MYH16: variants seen among roughly 807,000 people sequenced by gnomAD.
The protein encoded by MYH16 is putative uncharacterized protein MYH16.
At chr7:99,285,079 C>T (rs1792259973) in intron 26 of MYH16, 144 bp downstream of exon 8, 2 of 401,966 alleles carry the variant, frequency 5.0e-6, no homozygotes, top group Middle Eastern at 8.1e-4. Context: ...ATGTTCCCCT[C>T]ACTAGGGGTG....
intron 11 of MYH16, among the ~76,000 whole-genome samples, chr7:99,259,003 G>A (rs1020192523): frequency 6.6e-6 from 1 of 152,140 alleles, no homozygotes; most frequent in African/African-American, 2.4e-5. Flanking sequence ...CATGGTGGCA[G>A]GAGAAAGAGA....
At chr7:99,309,784 T>C (rs910700120), downstream of MYH16, among the ~76,000 whole-genome samples, 6 of 152,266 alleles carry the variant, frequency 3.9e-5, no homozygotes, top group Admixed American at 3.3e-4. Flanking sequence ...ATCAGGCTGC[T>C]ATCCTGCCAC....
At chr7:99,262,848 A>G (rs1791950545) in intron 13 of MYH16, among the ~76,000 whole-genome samples, 1 of 152,154 alleles carries the variant, frequency 6.6e-6, no homozygotes, top group African/African-American at 2.4e-5. Flanking sequence ...TAGCAAGGAG[A>G]GACCCTACAG....
intron 20 of MYH16, among the ~76,000 whole-genome samples, chr7:99,274,135 TC>T (rs887941980): frequency 3.3e-5 from 5 of 152,246 alleles, no homozygotes; most frequent in African/African-American, 1.2e-4. Flanking sequence ...ACCTCTCATT[TC>T]CTGTTCTTCC....
chr7:99,273,007 C>A (rs967633140), intron 19 of MYH16, among the ~76,000 whole-genome samples: 10 of 152,134 alleles, frequency 6.6e-5, no homozygotes, highest in African/African-American at 2.4e-4. Context: ...AGCAACTTTG[C>A]AGATCCATGG....
chr7:99,270,592 C>T (rs375329346), intron 18 of MYH16, among the ~76,000 whole-genome samples: 46 of 150,930 alleles, frequency 3.0e-4, no homozygotes, highest in African/African-American at 1.1e-3. Flanking sequence ...GCTGGGATTA[C>T]AGGCATGAGC....
chr7:99,257,714 A>G (rs1204711112), intron 10 of MYH16, among the ~76,000 whole-genome samples: 1 of 152,180 alleles, frequency 6.6e-6, no homozygotes, highest in Non-Finnish European at 1.5e-5. Context: ...TCATGCAATC[A>G]TGGCTCACTG....
intron 9 of MYH16, among the ~76,000 whole-genome samples, chr7:99,256,968 C>T (rs1001869352): frequency 7.2e-5 from 11 of 152,138 alleles, no homozygotes; most frequent in African/African-American, 2.7e-4. Context: ...AATAAAATAA[C>T]AATACTAATA....
chr7:99,260,133 C>T (rs187239474), intron 11 of MYH16: 547 of 1,558,916 alleles, frequency 3.5e-4, no homozygotes, highest in Middle Eastern at 1.4e-3. Flanking sequence ...CCTGTGCTGA[C>T]GCCCCTCTTT....
chr7:99,243,796 TC>T (rs1791696769), intron 2 of MYH16, among the ~76,000 whole-genome samples: 3 of 150,754 alleles, frequency 2.0e-5, no homozygotes, highest in African/African-American at 7.4e-5. Context: ...CATTCATTCA[TC>T]CATCCATCCA....
At chr7:99,247,723 G>T (rs1449270996) in exon 3 of MYH16, 2 of 195,652 alleles carry the variant, frequency 1.0e-5, no homozygotes, top group South Asian at 1.1e-4. Context: ...CTCCATCTCT[G>T]ACAACGCCTA....
At chr7:99,295,177 G>A (rs1393940933) in intron 33 of MYH16, among the ~76,000 whole-genome samples, 2 of 151,992 alleles carry the variant, frequency 1.3e-5, no homozygotes, top group East Asian at 1.9e-4. Context: ...TCAGGAGTTC[G>A]ACACCAGCCT....
At chr7:99,290,575 A>C (rs984884692) in intron 30 of MYH16, among the ~76,000 whole-genome samples, 7 of 150,806 alleles carry the variant, frequency 4.6e-5, no homozygotes, top group African/African-American at 1.7e-4. Flanking sequence ...CGAGGTGGGC[A>C]GATCACTTGA....
chr7:99,241,982 T>A (rs1238492880), intron 1 of MYH16, among the ~76,000 whole-genome samples: 1 of 151,882 alleles, frequency 6.6e-6, no homozygotes, highest in Non-Finnish European at 1.5e-5. Flanking sequence ...TGCCTCAGCC[T>A]CCCAAGTAGC....
chr7:99,266,959 A>T (rs1791993821), exon 18 of MYH16: 1 of 152,564 alleles, frequency 6.6e-6, no homozygotes, highest in Non-Finnish European at 1.5e-5. Context: ...ATGAATACAA[A>T]ATTGGACACA....
chr7:99,246,570 C>T lies in MYH16; in HGVS notation n.355-1024C>T, dbSNP rs533868494. 6.6e-5 allele frequency among the ~76,000 whole-genome samples: 10 copies of T among 152,172 alleles called. No homozygotes were observed. In the East Asian group the frequency reaches 1.2e-3, roughly 18 times the overall value. On this transcript the variant is annotated intron_variant and non_coding_transcript_variant, in intron 2 of 41. Coordinates refer to ENST00000439784, the Ensembl canonical transcript of MYH16. ...TACAAAAATTAGCCGGGCGTGGTGGCGTGCACCTGTAGTCTCAGCTACTCA... is the reference window on the plus strand; with the variant it reads ...TACAAAAATTAGCCGGGCGTGGTGGTGTGCACCTGTAGTCTCAGCTACTCA...
chr7:99,299,927 TTTTATTTATTTATTTATTTA>T (rs61663432), intron 37 of MYH16, among the ~76,000 whole-genome samples: 28 of 138,232 alleles, frequency 2.0e-4, no homozygotes, highest in East Asian at 1.0e-3. Context: ...TTTTATTTTA[TTTTATTTATTTATTTATTTA>T]TTTATTTATT....
At chr7:99,256,427 C>T (rs1023360948) in intron 9 of MYH16, among the ~76,000 whole-genome samples, 1 of 151,814 alleles carries the variant, frequency 6.6e-6, no homozygotes, top group African/African-American at 2.4e-5. Context: ...CATGATCATG[C>T]CACCGCACTC....
chr7:99,256,810 G>C (rs1255291094), intron 9 of MYH16, among the ~76,000 whole-genome samples: 4 of 151,878 alleles, frequency 2.6e-5, no homozygotes, highest in Non-Finnish European at 5.9e-5. Context: ...AATTAGCCAG[G>C]TGTGGTGGCA....
Sources: allele counts gnomAD v4.1 joint callset (sites outside exome capture counted in the v4.1 genomes callset), GRCh38; gene constraint gnomAD v4.1.1; transcripts MANE v1.5; gene names NCBI Gene and HGNC (gene_info 2026-07-23, HGNC 2026-07-21).